The following OR52A5 variants were observed in gnomAD, a reference collection of about 807,000 sequenced individuals.
The protein encoded by OR52A5 is olfactory receptor 52A5.
OR52A5 carries 16 observed loss-of-function variants against 18.2 expected under a neutral mutation model. That is an observed-to-expected ratio of 0.88 (90% CI 0.60 to 1.34). The LOEUF is 1.34. Ranked by LOEUF, OR52A5 falls within the 40% of genes most tolerant of loss-of-function variation. The pLI is 0.00. For missense variants in OR52A5, 418 were observed against 383.0 expected (o/e 1.09, Z -0.76); for synonymous variants, 140 against 137.2 (o/e 1.02, Z -0.14).
chr11:5,134,910 C>T (rs544028989), intron 1 of OR52A5, among the ~76,000 whole-genome samples: 15 of 152,036 alleles, frequency 9.9e-5, no homozygotes, highest in Non-Finnish European at 1.6e-4. Context: ...GAGATTATCG[C>T]CCAGGCTGGA....
Position 5,130,685 on chromosome 11 carries a change from T to C in OR52A5, c.*1007A>G, listed in dbSNP as rs1322310586. ...AGATTTTTCCCCAAAATTGTATGTATCTATGTCTGCCTCTTGAATGATATG... is the reference window on the plus strand; with the variant it reads ...AGATTTTTCCCCAAAATTGTATGTACCTATGTCTGCCTCTTGAATGATATG... On this transcript the variant is annotated 3_prime_UTR_variant, in exon 2 of 2. Coordinates refer to ENST00000307388, the MANE Select transcript of OR52A5 (RefSeq NM_001005160.3). 1 of 152,134 alleles carries C rather than the reference T, an allele frequency of 6.6e-6. No individual in the cohort carries two copies. The highest frequency in any genetic ancestry group is 1.5e-5 in the Non-Finnish European group (1 of 67,972). The allele number at this position is 152,134 out of a possible 1,614,324, so 9.4% of individuals were successfully genotyped here. A position where few individuals can be genotyped will look rare whatever the true frequency, so the allele number is the denominator to read the frequency against.
At chr11:5,137,655 A>G (rs1846404833) in intron 1 of OR52A5, among the ~76,000 whole-genome samples, 1 of 152,178 alleles carries the variant, frequency 6.6e-6, no homozygotes, top group Non-Finnish European at 1.5e-5. Context: ...AATAATAGAC[A>G]CCAGTCATAG....
intron 1 of OR52A5, among the ~76,000 whole-genome samples, chr11:5,133,003 T>G (rs1846356711): frequency 6.9e-6 from 1 of 144,890 alleles, no homozygotes; most frequent in African/African-American, 2.4e-5. Flanking sequence ...CAATTGAAAT[T>G]GTAAAAAAAA....
At position 5,132,059 on chromosome 11, in the gene OR52A5, A is replaced by C; in HGVS notation, c.584T>G (p.Ile195Ser). 6.2e-7 allele frequency: 1 copy of C among 1,614,248 alleles called. No homozygotes were observed. Among genetic ancestry groups the C allele is most frequent in the African/African-American group, 1.3e-5 (1 of 75,062 alleles). Reference sequence around the variant, plus strand: ...TAGGCCATATATCTTGTTGACTCGGATATCTTCAGTAGCCAGCTTCACGAT... The same window carrying C: ...TAGGCCATATATCTTGTTGACTCGGCTATCTTCAGTAGCCAGCTTCACGAT... The part of the protein sequence containing the change: ...MAIVKLATED[I>S]RVNKIYGLFV... Residue 195 changes from isoleucine to serine, a missense_variant, in exon 2 of 2, where the codon ATC (isoleucine) becomes AGC (serine). By Grantham distance (142) the Ile-to-Ser change is moderately radical. Transcript: ENST00000307388.
rs1378211960 is a variant in OR52A5, at chr11:5,130,719, C to T, written c.*973G>A. 1 of 152,030 alleles carries T rather than the reference C, an allele frequency of 6.6e-6. No homozygotes were observed. Among genetic ancestry groups the T allele is most frequent in the Non-Finnish European group, 1.5e-5 (1 of 67,960 alleles). 9.4% of individuals were successfully genotyped at this position (152,030 alleles called of 1,614,324 possible). On this transcript the variant is annotated 3_prime_UTR_variant, in exon 2 of 2. Transcript: ENST00000307388. ...GCCTCTTGAATGATATGATTTTTTA[C>T]ATCAGAACGTTTTACCATATTATTT...
In OR52A5 at chr11:5,135,418, C is replaced by G. The variant is rs191922933; in HGVS notation, c.-60-2716G>C. Among the ~76,000 whole-genome samples the G allele has an allele frequency of 2.2e-3, 329 of 152,176 alleles. 4 individuals carry two copies. The highest frequency in any genetic ancestry group is 0.019 in the Admixed American group (294 of 15,288). On this transcript the variant is annotated intron_variant, in intron 1 of 1. Coordinates refer to ENST00000307388, the MANE Select transcript of OR52A5 (RefSeq NM_001005160.3). ...GTCCACTTCTTGAACAACATACCATCCAAATGTAAATAAAAAATAAAAGTT... is the reference window on the plus strand; with the variant it reads ...GTCCACTTCTTGAACAACATACCATGCAAATGTAAATAAAAAATAAAAGTT...
rs1846333764 is a variant in OR52A5, at chr11:5,131,226, C to G, written c.*466G>C. 6.5e-6 allele frequency: 1 copy of G among 153,348 alleles called. No individual in the cohort carries two copies. Among genetic ancestry groups the G allele is most frequent in the South Asian group, 2.0e-4 (1 of 4,914 alleles). The allele number at this position is 153,348 out of a possible 1,614,324, so 9.5% of individuals were successfully genotyped here. ...TGTATGTTCAATTTTAGAACTTAAA[C>G]TTCCAAATTTGAGTAAAACTCAAGT... On this transcript the variant is annotated 3_prime_UTR_variant, in exon 2 of 2. Transcript: ENST00000307388.
Position 5,132,523 on chromosome 11 carries a change from A to C in OR52A5, c.120T>G (p.Gly40=). 1 of 1,613,958 alleles carries C rather than the reference A, an allele frequency of 6.2e-7. No individual in the cohort carries two copies. Among genetic ancestry groups the C allele is most frequent in the East Asian group, 2.2e-5 (1 of 44,882 alleles). ...CTAAAATTAGGGAATTTCCAATCAC[A>C]CCAATAAGATACATGGCAGAGAAAG... is the stretch of plus-strand genomic sequence containing the variant. ...GIPFSAMYLI[G]VIGNSLILVI... Residue 40 remains glycine, a synonymous_variant, in exon 2 of 2, where the codon GGT becomes GGG. Coordinates refer to ENST00000307388, the MANE Select transcript of OR52A5 (RefSeq NM_001005160.3).
At chr11:5,135,660 T>C (rs1846386821) in intron 1 of OR52A5, among the ~76,000 whole-genome samples, 2 of 152,226 alleles carry the variant, frequency 1.3e-5, no homozygotes. Context: ...ATCTGCATGA[T>C]AAAACTTTGA....
At chr11:5,136,135 G>C (rs1846390870) in intron 1 of OR52A5, among the ~76,000 whole-genome samples, 1 of 152,126 alleles carries the variant, frequency 6.6e-6, no homozygotes, top group South Asian at 2.1e-4. Context: ...TATATACTGA[G>C]TAGTCAGAGA....
chr11:5,132,272 C>G lies in OR52A5; in HGVS notation c.371G>C (p.Arg124Pro), dbSNP rs371563426. ...SGILLAMALDRYVAICIPLRH... is the reference protein window; with the variant it reads ...SGILLAMALDPYVAICIPLRH... ...CAAGGGGATACAGATGGCCACATAGCGATCCAGGGCCATTGCCAGAAGGAT... is the reference window on the plus strand; with the variant it reads ...CAAGGGGATACAGATGGCCACATAGGGATCCAGGGCCATTGCCAGAAGGAT... The change falls in exon 2 of 2, where the codon CGC (arginine) becomes CCC (proline). Residue 124 changes from arginine to proline, a missense_variant. Transcript: ENST00000307388. The G allele has an allele frequency of 6.2e-7, 1 of 1,614,022 alleles. No homozygotes were observed. Among genetic ancestry groups the G allele is most frequent in the African/African-American group, 1.3e-5 (1 of 74,916 alleles).
Position 5,131,740 on chromosome 11 carries a change from T to C in OR52A5, c.903A>G (p.Gln301=). 7 of 1,613,698 alleles carry C rather than the reference T, an allele frequency of 4.3e-6. No homozygotes were observed. The highest frequency in any genetic ancestry group is 5.9e-6 in the Non-Finnish European group (7 of 1,179,864). Residue 301 remains glutamine, a synonymous_variant, in exon 2 of 2, where the codon CAA becomes CAG. Transcript: ENST00000307388. The stretch of plus-strand genomic sequence containing the variant: ...ACACTTTCACAATATGGTCACGAAT[T>C]TGCTTGGTCTTCACTCCATAGACAA... ...NPIVYGVKTK[Q]IRDHIVKVFF... is the part of the protein sequence containing the mutation.
Position 5,132,323 on chromosome 11 carries a change from T to G in OR52A5, c.320A>C (p.His107Pro). ...ACCCGATTCAATTGCCTGGAATGAG[T>G]GAATAAGCCACATTTGAAAAAGACA... ...DACLFQMWLIHSFQAIESGIL... is the reference protein window; with the variant it reads ...DACLFQMWLIPSFQAIESGIL... The change falls in exon 2 of 2, where the codon CAC becomes CCC. Residue 107 changes from histidine (H) to proline (P), a missense_variant. Transcript: ENST00000307388. 1 of 1,613,982 alleles carries G rather than the reference T, an allele frequency of 6.2e-7. No individual in the cohort carries two copies. Among genetic ancestry groups the G allele is most frequent in the Non-Finnish European group, 8.5e-7 (1 of 1,179,990 alleles).
chr11:5,137,980 C>T (rs1433331752), intron 1 of OR52A5, among the ~76,000 whole-genome samples: 1 of 152,190 alleles, frequency 6.6e-6, no homozygotes, highest in Non-Finnish European at 1.5e-5. Flanking sequence ...CCTAAATCTT[C>T]CCCAGTCTAA....
Position 5,130,222 on chromosome 11 carries a change from G to A in OR52A5, c.*1470C>T. Reference sequence around the variant, plus strand: ...TATAATTTGGTGCATTTTTATACCAGATACTTTGAAATACAGTTTTTTCAT... The same window carrying A: ...TATAATTTGGTGCATTTTTATACCAAATACTTTGAAATACAGTTTTTTCAT... On this transcript the variant is annotated 3_prime_UTR_variant, in exon 2 of 2. Coordinates refer to ENST00000307388, the MANE Select transcript of OR52A5 (RefSeq NM_001005160.3). 1 of 151,880 alleles carries A rather than the reference G, an allele frequency of 6.6e-6. No individual in the cohort carries two copies. The highest frequency in any genetic ancestry group is 1.9e-4 in the East Asian group (1 of 5,184). The allele number at this position is 151,880 out of a possible 1,614,324, so 9.4% of individuals were successfully genotyped here.
chr11:5,132,331 C>T lies in OR52A5; in HGVS notation c.312G>A (p.Trp104Ter), dbSNP rs1406984688. ...CAATTGCCTGGAATGAGTGAATAAG[C>T]CACATTTGAAAAAGACAGGCATCAA... ...ISFDACLFQM[W>*]LIHSFQAIES... is the part of the protein sequence containing the mutation. The change falls in exon 2 of 2, where the codon TGG becomes TGA. Residue 104 changes from tryptophan to a stop codon, truncating the protein, a stop_gained. Coordinates refer to ENST00000307388, the MANE Select transcript of OR52A5 (RefSeq NM_001005160.3). LOFTEE classifies it high-confidence loss of function. 1.2e-6 allele frequency: 2 copies of T among 1,613,954 alleles called. No individual in the cohort carries two copies. Among genetic ancestry groups the T allele is most frequent in the African/African-American group, 1.3e-5 (1 of 74,874 alleles).
rs892975152 is a variant in OR52A5 at position 5,132,711 on chromosome 11, A to C, written c.-60-9T>G. On this transcript the variant is annotated splice_polypyrimidine_tract_variant and intron_variant, in intron 1 of 1. Coordinates refer to ENST00000307388, the MANE Select transcript of OR52A5 (RefSeq NM_001005160.3). Reference sequence around the variant, plus strand: ...TCTATTCTCTGTTGAGCCTTGATGAATTAAAAATTAAAAATATGTTAATTT... The same window carrying C: ...TCTATTCTCTGTTGAGCCTTGATGACTTAAAAATTAAAAATATGTTAATTT... 1.1e-6 allele frequency: 1 copy of C among 886,916 alleles called. No homozygotes were observed. Among genetic ancestry groups the C allele is most frequent in the Non-Finnish European group, 1.7e-6 (1 of 588,036 alleles). 54.9% of individuals were successfully genotyped at this position (886,916 alleles called of 1,614,324 possible). A position where few individuals can be genotyped will look rare whatever the true frequency, so the allele number is the denominator to read the frequency against.
Position 5,132,389 on chromosome 11 carries a change from C to A in OR52A5, c.254G>T (p.Gly85Val). 1.2e-6 allele frequency: 2 copies of A among 1,614,134 alleles called. No homozygotes were observed. Among genetic ancestry groups the A allele is most frequent in the Non-Finnish European group, 1.7e-6 (2 of 1,180,020 alleles). The change falls in exon 2 of 2, where the codon GGC (glycine) becomes GTC (valine). Residue 85 changes from glycine (G) to valine (V), a missense_variant. Physicochemically the swap from Gly to Val is moderately radical, Grantham distance 109 (BLOSUM62 -3). Coordinates refer to ENST00000307388, the MANE Select transcript of OR52A5 (RefSeq NM_001005160.3). ...CTCTGGCAAATGAAACCAGAAGATG[C>A]CTAACATTTTGGGAAGAATGCAGGT... ...LNTCILPKML[G>V]IFWFHLPEIS...
At position 5,135,065 on chromosome 11, in the gene OR52A5, G is replaced by A. The variant is rs143781755; in HGVS notation, c.-60-2363C>T. 5.7e-3 allele frequency among the ~76,000 whole-genome samples: 860 copies of A among 151,982 alleles called. 6 individuals carry two copies. The highest frequency in any genetic ancestry group is 0.02 in the African/African-American group (816 of 41,444). ...AATTTTTTGTATTTTTAATAGAGAC[G>A]GGGTTTCACCATGTTAGCCAGGATG... On this transcript the variant is annotated intron_variant, in intron 1 of 1. Transcript: ENST00000307388.
Sources: allele counts gnomAD v4.1 joint callset (sites outside exome capture counted in the v4.1 genomes callset), GRCh38; gene constraint gnomAD v4.1.1; transcripts MANE v1.5; gene names NCBI Gene and HGNC (gene_info 2026-07-23, HGNC 2026-07-21).